QTRT2: variants seen among roughly 807,000 people sequenced by gnomAD.
The protein encoded by QTRT2 is queuine tRNA-ribosyltransferase domain containing 1.
Under a neutral mutation model 44.8 loss-of-function variants are expected in QTRT2, and 32 were observed. That is an observed-to-expected ratio of 0.71 (90% confidence interval 0.54 to 0.96). The LOEUF is 0.96. QTRT2 is among the 40% of genes least tolerant of loss of function. The pLI is 0.00. For synonymous variants in QTRT2, 182 were observed against 187.4 expected (o/e 0.97, Z 0.24); for missense variants, 461 against 503.1 (o/e 0.92, Z 0.80).
rs780769679 is a variant in QTRT2 at position 114,070,789 on chromosome 3, G to A, written c.497G>A (p.Arg166Gln). The A allele has an allele frequency of 6.2e-6, 10 of 1,613,834 alleles. No individual in the cohort carries two copies. The highest frequency in any genetic ancestry group is 3.3e-5 in the Admixed American group (2 of 59,976). ...AAAAGGGTCAGAAAGTCTGTTGACCGATCACTTCTTTTCTTGGATAACTGT... is the reference window on the plus strand; with the variant it reads ...AAAAGGGTCAGAAAGTCTGTTGACCAATCACTTCTTTTCTTGGATAACTGT... ...SIKRVRKSVD[R>Q]SLLFLDNCLR... Residue 166 changes from arginine (R) to glutamine (Q), a missense_variant, in exon 6 of 10, where the codon CGA (arginine) becomes CAA (glutamine). Arg to Gln is a conservative substitution (Grantham distance 43, BLOSUM62 1). Transcript: ENST00000281273.
chr3:114,082,133 T>C (rs1350000692), intron 8 of QTRT2, among the ~76,000 whole-genome samples: 1 of 151,964 alleles, frequency 6.6e-6, no homozygotes, highest in Non-Finnish European at 1.5e-5. Flanking sequence ...CTTCAATCTA[T>C]TTGGAATATA....
At chr3:114,085,534 T>A (rs2077224158) in intron 9 of QTRT2, 139 bp from the exon 10 acceptor site, 1 of 758,948 alleles carries the variant, frequency 1.3e-6, no homozygotes, top group East Asian at 2.5e-5. Context: ...ATATTGCCAT[T>A]TTAAGCAGGT....
chr3:114,077,665 A>G (rs754281187), intron 7 of QTRT2: 1 of 150,326 alleles, frequency 6.7e-6, no homozygotes, highest in Non-Finnish European at 1.5e-5. Flanking sequence ...GCTGCTCCAT[A>G]GTCTCTAGAG....
At chr3:114,066,493 G>T in intron 4 of QTRT2, 1 of 531,022 alleles carries the variant, frequency 1.9e-6, no homozygotes, top group African/African-American at 1.9e-5. Flanking sequence ...CTGGGATAAA[G>T]ATAGAGAATT....
At chr3:114,062,493 G>C (rs1407692361) in intron 2 of QTRT2, among the ~76,000 whole-genome samples, 1 of 152,150 alleles carries the variant, frequency 6.6e-6, no homozygotes, top group Non-Finnish European at 1.5e-5. Context: ...ATGGCAGAAG[G>C]GGTGATGTGG....
Position 114,085,865 on chromosome 3 carries a change from G to A in QTRT2, c.1209G>A (p.Leu403=). The A allele has an allele frequency of 6.2e-7, 1 of 1,614,088 alleles. No homozygotes were observed. Among genetic ancestry groups the A allele is most frequent in the South Asian group, 1.1e-5 (1 of 91,060 alleles). ...GGGAAGCACTAAAAAGTGACAAACT[G>A]GCACAGTTGAAAGAGCTCATCCACA... ...YIREALKSDK[L]AQLKELIHRQ... is the part of the protein sequence containing the mutation. Residue 403 remains leucine, a synonymous_variant, in exon 10 of 10, where the codon CTG becomes CTA. Transcript: ENST00000281273.
intron 5 of QTRT2, among the ~76,000 whole-genome samples, chr3:114,069,160 A>G (rs944603306): frequency 2.6e-5 from 4 of 152,144 alleles, no homozygotes; most frequent in Non-Finnish European, 5.9e-5. Flanking sequence ...TAAAACGACT[A>G]TATGTTGGCC....
At chr3:114,078,600 C>T (rs1468899490) in intron 7 of QTRT2, 1 of 152,162 alleles carries the variant, frequency 6.6e-6, no homozygotes, top group Non-Finnish European at 1.5e-5. Flanking sequence ...CATTAATAGT[C>T]TCAGAATGCC....
intron 2 of QTRT2, 77 bp from the exon 3 acceptor site, chr3:114,065,160 A>T (rs1559949380): frequency 3.8e-6 from 3 of 786,826 alleles, no homozygotes; most frequent in African/African-American, 3.6e-5. Flanking sequence ...TTTCCTGAAG[A>T]TTTTTTTTTT....
At chr3:114,083,266 T>G (rs2077190577) in intron 9 of QTRT2, among the ~76,000 whole-genome samples, 1 of 151,322 alleles carries the variant, frequency 6.6e-6, no homozygotes, top group Non-Finnish European at 1.5e-5. Flanking sequence ...AGATTTCTTT[T>G]CTTTGTTGTT....
In QTRT2 at chr3:114,086,632, C is replaced by T. The variant is rs2077240400; in HGVS notation, c.*728C>T. 1 of 152,754 alleles carries T rather than the reference C, an allele frequency of 6.5e-6. No individual in the cohort carries two copies. Among genetic ancestry groups the T allele is most frequent in the Non-Finnish European group, 1.5e-5 (1 of 68,442 alleles). The allele number at this position is 152,754 out of a possible 1,614,324, so 9.5% of individuals were successfully genotyped here. Reference sequence around the variant, plus strand: ...TCTGGTTGTACAGATCCATTGTGGTCTGCCTTCCAGGCTCATTAATAGTCT... The same window carrying T: ...TCTGGTTGTACAGATCCATTGTGGTTTGCCTTCCAGGCTCATTAATAGTCT... On this transcript the variant is annotated 3_prime_UTR_variant, in exon 10 of 10. Transcript: ENST00000281273.
rs2077262687 is a variant in QTRT2 at position 114,088,323 on chromosome 3, C to G, written c.*2419C>G. ...GTAGTAAATCTATTAAAGGCAATAG[C>G]CAATAAAACATTTTTAATTTTAAAA... is the stretch of plus-strand genomic sequence containing the variant. On this transcript the variant is annotated 3_prime_UTR_variant, in exon 10 of 10. Transcript: ENST00000281273. 1 of 152,030 alleles carries G rather than the reference C, an allele frequency of 6.6e-6. No homozygotes were observed. The highest frequency in any genetic ancestry group is 6.6e-5 in the Admixed American group (1 of 15,260). The allele number at this position is 152,030 out of a possible 1,614,324, so 9.4% of individuals were successfully genotyped here.
rs2076796610 is a variant in QTRT2, at chr3:114,056,822, T to C, written c.-172T>C. 1 of 1,535,042 alleles carries C rather than the reference T, an allele frequency of 6.5e-7. No homozygotes were observed. Among genetic ancestry groups the C allele is most frequent in the Non-Finnish European group, 8.7e-7 (1 of 1,146,490 alleles). On this transcript the variant is annotated 5_prime_UTR_variant, in exon 1 of 10. Transcript: ENST00000281273. Reference sequence around the variant, plus strand: ...ACGTGGTAGTGAACTGTGAGGAGTTTGAGGGGTCTGAAGACTGAAAGAGTC... The same window carrying C: ...ACGTGGTAGTGAACTGTGAGGAGTTCGAGGGGTCTGAAGACTGAAAGAGTC...
chr3:114,070,526 C>G, intron 5 of QTRT2, 100 bp from the exon 6 acceptor site: 1 of 972,284 alleles, frequency 1.0e-6, no homozygotes, highest in Non-Finnish European at 1.6e-6. Context: ...GTCACCATCT[C>G]TGCAGTTGTA....
chr3:114,080,745 C>T (rs1171874152), intron 8 of QTRT2, among the ~76,000 whole-genome samples: 1 of 152,166 alleles, frequency 6.6e-6, no homozygotes, highest in Admixed American at 6.6e-5. Context: ...CTTTCCTTTT[C>T]CTGCTGTCCT....
chr3:114,066,082 G>C (rs1038231597), intron 3 of QTRT2, 146 bp from the exon 4 acceptor site: 1 of 571,492 alleles, frequency 1.7e-6, no homozygotes, highest in Non-Finnish European at 3.1e-6. Flanking sequence ...AGCCTAATTA[G>C]TTAGAACTCT....
chr3:114,062,653 A>G (rs1406999822), intron 2 of QTRT2, among the ~76,000 whole-genome samples: 1 of 152,216 alleles, frequency 6.6e-6, no homozygotes, highest in African/African-American at 2.4e-5. Context: ...TTTACCTGGA[A>G]TTCAGTTAAC....
rs2077248964 is a variant in QTRT2 at position 114,087,308 on chromosome 3, A to G, written c.*1404A>G. 1 of 152,136 alleles carries G rather than the reference A, an allele frequency of 6.6e-6. No homozygotes were observed. The allele number at this position is 152,136 out of a possible 1,614,324, so 9.4% of individuals were successfully genotyped here. A position where few individuals can be genotyped will look rare whatever the true frequency, so the allele number is the denominator to read the frequency against. On this transcript the variant is annotated 3_prime_UTR_variant, in exon 10 of 10. Coordinates refer to ENST00000281273, the MANE Select transcript of QTRT2 (RefSeq NM_024638.4). ...GCTGCTGTATGTTTTATGTGTTGGG[A>G]GCCCATTGTATTAGGCCGTTCTTGG...
At chr3:114,058,773 C>T (rs897098164) in intron 2 of QTRT2, among the ~76,000 whole-genome samples, 1 of 152,132 alleles carries the variant, frequency 6.6e-6, no homozygotes, top group Non-Finnish European at 1.5e-5. Flanking sequence ...TTAGGTGTTC[C>T]TCCCACTTCG....
Sources: gnomAD v4.1 joint callset for allele counts (sites outside exome capture counted in the v4.1 genomes callset) on GRCh38, gnomAD v4.1.1 for gene constraint, MANE v1.5 for transcripts, NCBI Gene and HGNC (gene_info 2026-07-23, HGNC 2026-07-21) for gene names.